The following PDE4D variants were observed in gnomAD, a reference collection of about 807,000 sequenced individuals.
The protein encoded by PDE4D is 3',5'-cyclic-AMP phosphodiesterase 4D.
Under a neutral mutation model 87.4 loss-of-function variants are expected in PDE4D, and 24 were observed. That is an observed-to-expected ratio of 0.27 (90% CI 0.20 to 0.39). The LOEUF (loss-of-function observed/expected upper bound fraction) is 0.39, where lower values mean the gene tolerates loss of function less well. Ranked by LOEUF, PDE4D falls within the 10% of genes least tolerant of loss-of-function variation. PDE4D has a pLI of 1.00. For missense variants in PDE4D, 714 were observed against 1,041.0 expected (o/e 0.69, Z 4.32); for synonymous variants, 384 against 383.2 (o/e 1.00, Z -0.02).
chr5:59,696,242 C>A (rs1476742472), intron 1 of PDE4D, among the ~76,000 whole-genome samples: 1 of 152,066 alleles, frequency 6.6e-6, no homozygotes, highest in Non-Finnish European at 1.5e-5. Flanking sequence ...ATGGTAAAGC[C>A]AGGATTCAAC....
At chr5:59,579,459 T>C (rs1823710134) in intron 1 of PDE4D, among the ~76,000 whole-genome samples, 1 of 152,240 alleles carries the variant, frequency 6.6e-6, no homozygotes, top group African/African-American at 2.4e-5. Flanking sequence ...TAATATTCTT[T>C]ACTTGAGCAC....
In PDE4D at chr5:59,344,140, G is replaced by T. The variant is rs575346072; in HGVS notation, c.456-128172C>A. 5.3e-5 allele frequency among the ~76,000 whole-genome samples: 8 copies of T among 152,212 alleles called. 1 individual carries two copies. In the South Asian group the frequency reaches 1.7e-3, roughly 32 times the overall value. On this transcript the variant is annotated intron_variant, in intron 1 of 14. Coordinates refer to ENST00000340635, the MANE Select transcript of PDE4D (RefSeq NM_001104631.2). Reference sequence around the variant, plus strand: ...ACAAGATACTAAACGTTTTATGGGGGAAGAGGTTTTTCACAAGGGTTATAA... The same window carrying T: ...ACAAGATACTAAACGTTTTATGGGGTAAGAGGTTTTTCACAAGGGTTATAA...
intron 1 of PDE4D, among the ~76,000 whole-genome samples, chr5:60,462,569 G>A (rs1437534846): frequency 6.6e-6 from 1 of 152,080 alleles, no homozygotes; most frequent in Non-Finnish European, 1.5e-5. Flanking sequence ...CTATCCTCAC[G>A]GTGACCACAT....
rs534988695 is a variant in PDE4D at position 59,093,777 on chromosome 5, A to G, written c.809-54806T>C. On this transcript the variant is annotated intron_variant, in intron 5 of 14. Coordinates refer to ENST00000340635, the MANE Select transcript of PDE4D (RefSeq NM_001104631.2). ...GAACAGCCTCTTAAGGAAACTCTCC[A>G]TAATGAAGAAGAGAAACTAGAAGAA... Among the ~76,000 whole-genome samples, 12 of 152,348 alleles carry G rather than the reference A, an allele frequency of 7.9e-5. No individual in the cohort carries two copies. The East Asian group carries it at 2.1e-3, about 27-fold the overall frequency.
chr5:59,042,901 C>T (rs372015966), intron 5 of PDE4D, among the ~76,000 whole-genome samples: 6 of 152,254 alleles, frequency 3.9e-5, no homozygotes, highest in African/African-American at 1.2e-4. Context: ...GAAGCAGCTT[C>T]CTTTTGAAAA....
intron 5 of PDE4D, chr5:59,040,061 C>T (rs1170464928): frequency 6.6e-6 from 1 of 152,348 alleles, no homozygotes; most frequent in Non-Finnish European, 1.5e-5. Flanking sequence ...TGCGAAGTTT[C>T]ACAAACAAGG....
intron 2 of PDE4D, among the ~76,000 whole-genome samples, chr5:59,209,859 A>G (rs1749697364): frequency 1.3e-5 from 2 of 152,228 alleles, no homozygotes; most frequent in Non-Finnish European, 2.9e-5. Flanking sequence ...GGAAACTGGG[A>G]ACTATTCCAA....
intron 1 of PDE4D, among the ~76,000 whole-genome samples, chr5:60,210,754 A>T (rs1394850054): frequency 2.1e-5 from 3 of 145,958 alleles, no homozygotes; most frequent in Non-Finnish European, 1.5e-5. Context: ...GGGTTTCCTA[A>T]TTTTTTTTTT....
At chr5:59,477,826 T>C (rs925695540) in intron 1 of PDE4D, among the ~76,000 whole-genome samples, 1 of 151,938 alleles carries the variant, frequency 6.6e-6, no homozygotes, top group Non-Finnish European at 1.5e-5. Context: ...ATAAAGAAAA[T>C]GTGGTACAAA....
intron 1 of PDE4D, among the ~76,000 whole-genome samples, chr5:60,350,579 G>A (rs1051331445): frequency 6.6e-6 from 1 of 152,174 alleles, no homozygotes; most frequent in African/African-American, 2.4e-5. Flanking sequence ...ATGCGTCGAT[G>A]GTTGGGGGCC....
At chr5:59,737,311 T>G (rs1180454825) in intron 1 of PDE4D, among the ~76,000 whole-genome samples, 1 of 152,196 alleles carries the variant, frequency 6.6e-6, no homozygotes, top group Admixed American at 6.5e-5. Context: ...GTTTCTGATA[T>G]ATTACAAAAT....
At chr5:60,481,477 C>T (rs1748728593) in intron 1 of PDE4D, among the ~76,000 whole-genome samples, 1 of 152,050 alleles carries the variant, frequency 6.6e-6, no homozygotes, top group African/African-American at 2.4e-5. Flanking sequence ...TTAGATGCAC[C>T]ATTTGCTCAA....
chr5:59,238,901 G>A (rs563661934), intron 1 of PDE4D, among the ~76,000 whole-genome samples: 2 of 152,242 alleles, frequency 1.3e-5, no homozygotes, highest in East Asian at 3.9e-4. Context: ...AGTGTCCTTG[G>A]GAATAACTAG....
intron 2 of PDE4D, among the ~76,000 whole-genome samples, chr5:60,048,013 G>A (rs143594811): frequency 0.03 from 4,585 of 152,130 alleles, 226 homozygotes; most frequent in African/African-American, 0.1. Flanking sequence ...TCTCTTTGTA[G>A]GTCTCTCAGG....
chr5:59,290,420 C>G (rs1411950543), intron 1 of PDE4D, among the ~76,000 whole-genome samples: 3 of 151,990 alleles, frequency 2.0e-5, no homozygotes, highest in African/African-American at 7.2e-5. Context: ...ATACAAAAAT[C>G]AAGTCAAAAT....
chr5:60,326,120 A>G (rs1483302013), intron 1 of PDE4D, among the ~76,000 whole-genome samples: 1 of 152,166 alleles, frequency 6.6e-6, no homozygotes, highest in East Asian at 1.9e-4. Context: ...TAAGACTGCT[A>G]TAAACACTTA....
intron 1 of PDE4D, among the ~76,000 whole-genome samples, chr5:59,887,723 G>GTGTGTGTGTGTGTGTT (rs1314572257): frequency 7.7e-6 from 1 of 129,712 alleles, no homozygotes; most frequent in East Asian, 2.0e-4. Context: ...AGCCATCAGT[G>GTGTGTGTGTGTGTGTT]TGTGTGTGTG....
At chr5:60,128,049 A>G (rs1779261528) in intron 2 of PDE4D, among the ~76,000 whole-genome samples, 1 of 152,174 alleles carries the variant, frequency 6.6e-6, no homozygotes, top group Admixed American at 6.5e-5. Context: ...TAGCAGGGAG[A>G]GACTATGTCC....
intron 3 of PDE4D, among the ~76,000 whole-genome samples, chr5:59,916,638 G>A (rs1366055046): frequency 6.6e-6 from 1 of 152,092 alleles, no homozygotes; most frequent in Non-Finnish European, 1.5e-5. Flanking sequence ...TCACATTGTT[G>A]TTTCACCATT....
Sources: gnomAD v4.1 joint callset for allele counts (sites outside exome capture counted in the v4.1 genomes callset) on GRCh38, gnomAD v4.1.1 for gene constraint, MANE v1.5 for transcripts, NCBI Gene and HGNC (gene_info 2026-07-23, HGNC 2026-07-21) for gene names.